Variants in IL1RAPL2 observed in about 807,000 individuals in gnomAD.
IL1RAPL2 encodes the protein X-linked interleukin-1 receptor accessory protein-like 2.
IL1RAPL2 carries 3 observed loss-of-function variants against 44.1 expected under a neutral mutation model. The ratio of observed to expected loss-of-function variants is 0.07; its 90% confidence interval spans 0.03 to 0.18. The LOEUF is 0.18. Ranked by LOEUF, IL1RAPL2 falls within the 10% of genes least tolerant of loss-of-function variation. The pLI is 1.00. For missense variants in IL1RAPL2, 391 were observed against 496.4 expected (o/e 0.79, Z 2.02); for synonymous variants, 181 against 178.8 (o/e 1.01, Z -0.10).
At chrX:104,653,378 C>T (rs980009308) in intron 1 of IL1RAPL2, among the ~76,000 whole-genome samples, 1 of 111,112 alleles carries the variant, frequency 9.0e-6, no homozygotes, top group African/African-American at 3.3e-5. Context: ...GAATTAGTCT[C>T]GGTCCTCTTG....
At chrX:104,822,881 A>G (rs1921342905) in intron 2 of IL1RAPL2, among the ~76,000 whole-genome samples, 1 of 111,007 alleles carries the variant, frequency 9.0e-6, no homozygotes, top group Non-Finnish European at 1.9e-5. Context: ...GATTTTTCCT[A>G]TCCATGAGCA....
chrX:105,419,665 C>T (rs112686611), intron 5 of IL1RAPL2, among the ~76,000 whole-genome samples: 3 of 111,937 alleles, frequency 2.7e-5, no homozygotes, highest in Non-Finnish European at 5.6e-5. Flanking sequence ...AGTATCACAG[C>T]AAATTTGTAC....
chrX:104,657,133 T>A (rs148273911), intron 1 of IL1RAPL2, among the ~76,000 whole-genome samples: 3,082 of 111,512 alleles, frequency 0.028, 120 homozygotes, highest in African/African-American at 0.095. Flanking sequence ...TTTATCCAAT[T>A]TGCCAGTTGG....
At chrX:105,201,570 T>C (rs1556146517) in intron 3 of IL1RAPL2, among the ~76,000 whole-genome samples, 1 of 111,901 alleles carries the variant, frequency 8.9e-6, no homozygotes, top group Admixed American at 9.5e-5. Context: ...ATCATGGGAC[T>C]CACTTTATGG....
intron 6 of IL1RAPL2, among the ~76,000 whole-genome samples, chrX:105,540,898 A>T (rs1602457421): frequency 5.6e-5 from 5 of 88,991 alleles, no homozygotes; most frequent in Non-Finnish European, 9.1e-5. Context: ...TATGATATAT[A>T]ATACATACAT....
chrX:105,350,145 A>G (rs1424615236), intron 5 of IL1RAPL2, among the ~76,000 whole-genome samples: 1 of 112,032 alleles, frequency 8.9e-6, no homozygotes, highest in Non-Finnish European at 1.9e-5. Flanking sequence ...TTTCTCTTCC[A>G]GGACCTCCCA....
intron 2 of IL1RAPL2, among the ~76,000 whole-genome samples, chrX:104,882,945 G>A (rs952561964): frequency 4.5e-5 from 5 of 111,237 alleles, no homozygotes. Context: ...CACTGCGAAG[G>A]TCTGCGGCTT....
chrX:104,901,751 C>T (rs983013395), intron 2 of IL1RAPL2, among the ~76,000 whole-genome samples: 1 of 111,535 alleles, frequency 9.0e-6, no homozygotes, highest in Admixed American at 9.5e-5. Flanking sequence ...TCATCTCAGG[C>T]AAGTAAATAA....
At chrX:105,561,667 G>A (rs370432773) in intron 6 of IL1RAPL2, among the ~76,000 whole-genome samples, 3 of 111,992 alleles carry the variant, frequency 2.7e-5, no homozygotes, top group East Asian at 5.6e-4. Flanking sequence ...CCTCAGAGCT[G>A]TTTCCTCTCA....
chrX:104,948,424 A>C (rs1417132875), intron 2 of IL1RAPL2, among the ~76,000 whole-genome samples: 1 of 97,180 alleles, frequency 1.0e-5, no homozygotes, highest in Non-Finnish European at 2.1e-5. Context: ...TCTCCTGCCT[A>C]ATTGCCCTGG....
chrX:105,099,341 T>C (rs1319996562), intron 2 of IL1RAPL2, among the ~76,000 whole-genome samples: 1 of 110,146 alleles, frequency 9.1e-6, no homozygotes, highest in Non-Finnish European at 1.9e-5. Flanking sequence ...TACAAACATC[T>C]GGTCAGCTTC....
chrX:105,385,841 T>C (rs1190794655), intron 5 of IL1RAPL2, among the ~76,000 whole-genome samples: 7 of 111,421 alleles, frequency 6.3e-5, no homozygotes, highest in Non-Finnish European at 1.3e-4. Flanking sequence ...CTTCAGACTC[T>C]TTGTCCAGAG....
intron 2 of IL1RAPL2, among the ~76,000 whole-genome samples, chrX:104,728,104 A>T (rs756432103): frequency 1.8e-5 from 2 of 111,301 alleles, no homozygotes; most frequent in South Asian, 7.6e-4. Flanking sequence ...ATCTATAAAA[A>T]TAAAGAAAAA....
intron 2 of IL1RAPL2, among the ~76,000 whole-genome samples, chrX:104,838,944 G>A (rs767440279): frequency 5.0e-5 from 5 of 99,984 alleles, no homozygotes; most frequent in Admixed American, 2.3e-4. Flanking sequence ...CTGCCTCCTA[G>A]GTTCAAGTGA....
In IL1RAPL2 at chrX:105,737,214, C is replaced by T. The variant is rs182891120; in HGVS notation, c.903-3332C>T. On this transcript the variant is annotated intron_variant, in intron 7 of 10. Transcript: ENST00000372582. Reference sequence around the variant, plus strand: ...TGAACACAAAGAAGGAAACAACAAACACCAGGGCCTACTTGAGAGTCTTGG... The same window carrying T: ...TGAACACAAAGAAGGAAACAACAAATACCAGGGCCTACTTGAGAGTCTTGG... 4.0e-3 allele frequency among the ~76,000 whole-genome samples: 439 copies of T among 110,686 alleles called. 2 individuals carry two copies. The highest frequency in any genetic ancestry group is 0.014 in the African/African-American group (415 of 30,531).
At chrX:104,676,207 C>T (rs944624624) in intron 2 of IL1RAPL2, among the ~76,000 whole-genome samples, 5 of 111,655 alleles carry the variant, frequency 4.5e-5, no homozygotes, top group Non-Finnish European at 7.5e-5. Flanking sequence ...ATGATCTTTA[C>T]ATTTTGGCAT....
intron 5 of IL1RAPL2, among the ~76,000 whole-genome samples, chrX:105,478,238 T>A (rs2036210534): frequency 9.0e-6 from 1 of 111,176 alleles, no homozygotes; most frequent in Non-Finnish European, 1.9e-5. Context: ...CTTGAGACAT[T>A]TCTAGTTTCA....
intron 2 of IL1RAPL2, among the ~76,000 whole-genome samples, chrX:104,814,469 T>G (rs1252085997): frequency 8.9e-6 from 1 of 112,612 alleles, no homozygotes; most frequent in African/African-American, 3.2e-5. Context: ...ACTTATATTT[T>G]ATCATCTTAG....
chrX:105,182,607 G>A (rs1229614075), intron 2 of IL1RAPL2, among the ~76,000 whole-genome samples: 1 of 111,648 alleles, frequency 9.0e-6, no homozygotes, highest in Non-Finnish European at 1.9e-5. Context: ...CTTTTAAGTG[G>A]AAATTTTAAT....
Sources: gnomAD v4.1 joint callset for allele counts (sites outside exome capture counted in the v4.1 genomes callset) on GRCh38, gnomAD v4.1.1 for gene constraint, MANE v1.5 for transcripts, NCBI Gene and HGNC (gene_info 2026-07-23, HGNC 2026-07-21) for gene names.